The following SH3PXD2A variants were observed in gnomAD, a reference collection of about 807,000 sequenced individuals.
SH3PXD2A encodes the protein SH3 and PX domain-containing protein 2A.
A neutral mutation model predicts 115.2 loss-of-function variants in SH3PXD2A; 32 were observed. That is an observed-to-expected ratio of 0.28 (90% CI 0.21 to 0.37). The LOEUF is 0.37. Among genes scored for constraint, SH3PXD2A ranks in the 10% least tolerant of loss-of-function variants. SH3PXD2A has a pLI of 1.00. For missense variants in SH3PXD2A, 1,328 were observed against 1,498.7 expected (o/e 0.89, Z 1.88); for synonymous variants, 610 against 629.1 (o/e 0.97, Z 0.45).
Position 103,855,310 on chromosome 10 carries a change from T to TAA in SH3PXD2A, c.-45_-44insTT. 6.8e-7 allele frequency: 1 copy of TAA among 1,463,440 alleles called. No homozygotes were observed. The highest frequency in any genetic ancestry group is 9.2e-7 in the Non-Finnish European group (1 of 1,088,360). 90.7% of individuals were successfully genotyped at this position (1,463,440 alleles called of 1,614,324 possible). A position where few individuals can be genotyped will look rare whatever the true frequency, so the allele number is the denominator to read the frequency against. ...TGGCGCCCCCGGCGGCGTCACCTTC[T>TAA]CATCCCGGCCGGGCTCCGGCTCCTT... On this transcript the variant is annotated 5_prime_UTR_variant, in exon 1 of 15. It removes the in-frame stop codon of an upstream open reading frame in the 5' UTR. Transcript: ENST00000369774.
intron 5 of SH3PXD2A, among the ~76,000 whole-genome samples, chr10:103,723,885 G>A (rs1382443415): frequency 6.6e-6 from 1 of 152,172 alleles, no homozygotes; most frequent in Non-Finnish European, 1.5e-5. Flanking sequence ...AGTGCACACT[G>A]GGACCTCTGC....
Position 103,666,508 on chromosome 10 carries a change from C to T in SH3PXD2A, c.472+2100G>A, listed in dbSNP as rs899225471. On this transcript the variant is annotated intron_variant, in intron 7 of 14. Coordinates refer to ENST00000369774, the MANE Select transcript of SH3PXD2A (RefSeq NM_001394015.1). This position sits in a 1 kb window ranked among gnomAD's most constrained non-coding sequence, Gnocchi z 4.5. ...CTTGGACAAGAGTCTCTCGACACTC[C>T]AGGACTGGTGCCTCAGGACATGACA... Among the ~76,000 whole-genome samples the T allele has an allele frequency of 1.3e-5, 2 of 152,212 alleles. No homozygotes were observed. Among genetic ancestry groups the T allele is most frequent in the African/African-American group, 4.8e-5 (2 of 41,446 alleles).
intron 1 of SH3PXD2A, among the ~76,000 whole-genome samples, chr10:103,834,299 A>G (rs1400941318): frequency 6.6e-6 from 1 of 152,228 alleles, no homozygotes; most frequent in Non-Finnish European, 1.5e-5. Context: ...CTGATGGTAG[A>G]TGAAAATGTT....
intron 2 of SH3PXD2A, among the ~76,000 whole-genome samples, chr10:103,773,965 C>T (rs1262629525): frequency 6.6e-6 from 1 of 152,066 alleles, no homozygotes; most frequent in Non-Finnish European, 1.5e-5. Context: ...GAACTCCTGG[C>T]CTCAAGTGGT....
chr10:103,653,791 G>A (rs956167514), intron 8 of SH3PXD2A, among the ~76,000 whole-genome samples: 5 of 152,030 alleles, frequency 3.3e-5, no homozygotes, highest in Non-Finnish European at 7.4e-5. Flanking sequence ...TATTTGCAGA[G>A]CTGCCCAGCC....
At chr10:103,830,503 T>C (rs1482270272) in intron 1 of SH3PXD2A, among the ~76,000 whole-genome samples, 1 of 152,156 alleles carries the variant, frequency 6.6e-6, no homozygotes, top group Non-Finnish European at 1.5e-5. Context: ...GGAGAAATCT[T>C]TGTGGAGGTT....
At chr10:103,797,165 C>T (rs1202146629) in intron 2 of SH3PXD2A, among the ~76,000 whole-genome samples, 1 of 152,124 alleles carries the variant, frequency 6.6e-6, no homozygotes, top group East Asian at 1.9e-4. Flanking sequence ...CGCCCAGTGC[C>T]CACACTTATT....
intron 3 of SH3PXD2A, among the ~76,000 whole-genome samples, chr10:103,740,935 C>A (rs927870990): frequency 2.0e-5 from 3 of 152,144 alleles, no homozygotes; most frequent in Admixed American, 2.0e-4. Context: ...GAGGGCCTTG[C>A]TCTCAGGAGT....
intron 4 of SH3PXD2A, among the ~76,000 whole-genome samples, chr10:103,730,860 G>T (rs947099969): frequency 2.7e-4 from 41 of 152,288 alleles, no homozygotes; most frequent in African/African-American, 9.6e-4. Context: ...CGGGGTGGGC[G>T]CAGTCCTCTG....
At chr10:103,808,557 C>T (rs2039231195) in intron 1 of SH3PXD2A, among the ~76,000 whole-genome samples, 1 of 152,106 alleles carries the variant, frequency 6.6e-6, no homozygotes, top group African/African-American at 2.4e-5. Context: ...GGCCTAAAGA[C>T]CCCTCTTGAC....
chr10:103,838,120 T>C (rs1245928811), intron 1 of SH3PXD2A, among the ~76,000 whole-genome samples: 5 of 152,170 alleles, frequency 3.3e-5, no homozygotes, highest in Non-Finnish European at 7.4e-5. Context: ...GCCTGAATCT[T>C]TACACTCGCC....
chr10:103,853,435 T>C (rs1397703370), intron 1 of SH3PXD2A, among the ~76,000 whole-genome samples: 1 of 152,220 alleles, frequency 6.6e-6, no homozygotes, highest in East Asian at 1.9e-4. Context: ...AACAAGTACA[T>C]ACTATTATTA....
chr10:103,622,579 A>G (rs1441329988), intron 9 of SH3PXD2A, 26 bp from the exon 10 acceptor site: 2 of 1,387,704 alleles, frequency 1.4e-6, no homozygotes, highest in Non-Finnish European at 1.9e-6. Flanking sequence ...GCGATGGAGC[A>G]TGCGGCCAAC....
At chr10:103,775,664 C>G (rs1341390689) in intron 2 of SH3PXD2A, among the ~76,000 whole-genome samples, 1 of 152,160 alleles carries the variant, frequency 6.6e-6, no homozygotes, top group Admixed American at 6.5e-5. Context: ...TGCCGTATGT[C>G]AGAGAAAGTG....
chr10:103,842,757 C>G (rs1424314497), intron 1 of SH3PXD2A, among the ~76,000 whole-genome samples: 1 of 152,142 alleles, frequency 6.6e-6, no homozygotes, highest in Non-Finnish European at 1.5e-5. Flanking sequence ...TTTCCTTTCC[C>G]ACACCAGAAT....
intron 2 of SH3PXD2A, among the ~76,000 whole-genome samples, chr10:103,779,933 G>T (rs2038916596): frequency 6.6e-6 from 1 of 152,178 alleles, no homozygotes; most frequent in African/African-American, 2.4e-5. Flanking sequence ...AATAGGAGGA[G>T]GCCCTGAAGA....
chr10:103,605,458 CA>C (rs928833709), intron 14 of SH3PXD2A, among the ~76,000 whole-genome samples: 2 of 152,232 alleles, frequency 1.3e-5, no homozygotes, highest in Admixed American at 1.3e-4. Flanking sequence ...ATTAAAACAA[CA>C]AATGGGTTGG....
chr10:103,778,257 G>A (rs151067309), intron 2 of SH3PXD2A, among the ~76,000 whole-genome samples: 2 of 152,324 alleles, frequency 1.3e-5, no homozygotes, highest in African/African-American at 4.8e-5. Context: ...GCGTGAATCC[G>A]GGAGGCGGAG....
intron 1 of SH3PXD2A, among the ~76,000 whole-genome samples, chr10:103,846,966 G>T (rs1434804106): frequency 6.6e-6 from 1 of 152,214 alleles, no homozygotes; most frequent in Non-Finnish European, 1.5e-5. Context: ...ATGCTGGTGG[G>T]AGCTACATGC....
Sources: allele counts gnomAD v4.1 joint callset (sites outside exome capture counted in the v4.1 genomes callset), GRCh38; gene constraint gnomAD v4.1.1; non-coding constraint Gnocchi (gnomAD v3.1); transcripts MANE v1.5; gene names NCBI Gene and HGNC (gene_info 2026-07-23, HGNC 2026-07-21).